The following STUB1 variants were observed in gnomAD, a reference collection of about 807,000 sequenced individuals.
STUB1 encodes the protein STIP1 homology and U-box containing protein 1.
Under a neutral mutation model 40.3 loss-of-function variants are expected in STUB1, and 37 were observed. The ratio of observed to expected loss-of-function variants is 0.92; its 90% CI spans 0.71 to 1.21. STUB1 has a LOEUF of 1.21. Ranked by LOEUF, STUB1 falls within the 50% of genes most tolerant of loss-of-function variation. STUB1 has a pLI of 0.00. For missense variants in STUB1, 460 were observed against 421.9 expected, an observed-to-expected ratio of 1.09 and a Z score of -0.79; for synonymous variants, 246 against 171.9, an observed-to-expected ratio of 1.43 and a Z score of -3.37.
Position 682,535 on chromosome 16 carries a change from A to G in STUB1, c.*46A>G, listed in dbSNP as rs371255798. ...GTCCTGGTCCAGGGGAGCCCTGGGC[A>G]GAAGCCCCCGGCCCCTATACATAGT... On this transcript the variant is annotated 3_prime_UTR_variant, in exon 7 of 7. Transcript: ENST00000219548. 51 of 1,610,480 alleles carry G rather than the reference A, an allele frequency of 3.2e-5. No individual in the cohort carries two copies. The highest frequency in any genetic ancestry group is 5.3e-5 in the African/African-American group (4 of 74,884).
rs573288736 is a variant in STUB1 at position 680,417 on chromosome 16, G to T, written c.-109G>T. 9.6e-5 allele frequency: 99 copies of T among 1,036,004 alleles called. No individual in the cohort carries two copies. The African/African-American group carries it at 1.5e-3, about 16-fold the overall frequency. The allele number at this position is 1,036,004 out of a possible 1,614,324, so 64.2% of individuals were successfully genotyped here. ...GCCGGAAGTTCCGGCGGCGGAGCTG[G>T]GCCGGGCCCGAGCGGATCGCGGGCT... is the stretch of plus-strand genomic sequence containing the variant. On this transcript the variant is annotated 5_prime_UTR_variant, in exon 1 of 7. Coordinates refer to ENST00000219548, the MANE Select transcript of STUB1 (RefSeq NM_005861.4). This position sits in a 1 kb window ranked among gnomAD's most constrained non-coding sequence, Gnocchi z 4.9.
Sources: gnomAD v4.1 joint callset for allele counts on GRCh38, gnomAD v4.1.1 for gene constraint, Gnocchi (gnomAD v3.1) non-coding constraint, MANE v1.5 for transcripts, NCBI Gene and HGNC (gene_info 2026-07-23, HGNC 2026-07-21) for gene names.